Variants in MICU1 observed in about 807,000 individuals in gnomAD.
MICU1 encodes the protein calcium uptake protein 1, mitochondrial.
In MICU1, 45 loss-of-function variants were observed where a neutral mutation model predicts 56.8. The observed-to-expected ratio is 0.79, with a 90% CI of 0.62 to 1.02. The LOEUF (loss-of-function observed/expected upper bound fraction) is 1.02. Among genes scored for constraint, MICU1 ranks in the 50% least tolerant of loss-of-function variants. The pLI is 0.00. For missense variants in MICU1, 504 were observed against 587.1 expected, an observed-to-expected ratio of 0.86 and a Z score of 1.46; for synonymous variants, 186 against 195.1, an observed-to-expected ratio of 0.95 and a Z score of 0.39.
At chr10:72,475,010 G>T in intron 8 of MICU1, 90 bp downstream of exon 8, 3 of 1,094,784 alleles carry the variant, frequency 2.7e-6, no homozygotes, top group Non-Finnish European at 3.9e-6. Flanking sequence ...TCTCACAGCT[G>T]GAGGTAAATG....
At chr10:72,441,551 T>TAA (rs35141740) in intron 8 of MICU1, among the ~76,000 whole-genome samples, 4,598 of 126,946 alleles carry the variant, frequency 0.036, 285 homozygotes, top group African/African-American at 0.13. Flanking sequence ...TTAAATTATT[T>TAA]AAAAAAAAAA....
chr10:72,593,144 A>G (rs1373974181), intron 1 of MICU1, among the ~76,000 whole-genome samples: 1 of 152,144 alleles, frequency 6.6e-6, no homozygotes, highest in Non-Finnish European at 1.5e-5. Context: ...AACTATCTCA[A>G]AATAAGCCAT....
At chr10:72,514,337 A>G (rs183662727) in intron 5 of MICU1, among the ~76,000 whole-genome samples, 2 of 150,506 alleles carry the variant, frequency 1.3e-5, no homozygotes, top group African/African-American at 4.9e-5. Flanking sequence ...GATACTCCCT[A>G]TTTCTTTTTT....
intron 10 of MICU1, among the ~76,000 whole-genome samples, chr10:72,386,284 C>T: frequency 6.6e-6 from 1 of 152,070 alleles, no homozygotes; most frequent in Admixed American, 6.6e-5. Context: ...CGGGTTCAAA[C>T]AATTATCCCA....
chr10:72,423,633 G>A (rs1376522293), intron 8 of MICU1, among the ~76,000 whole-genome samples: 4 of 152,136 alleles, frequency 2.6e-5, no homozygotes, highest in Non-Finnish European at 4.4e-5. Context: ...ATGAGGCTGG[G>A]ACTTGCTGGG....
intron 5 of MICU1, chr10:72,508,557 GTT>G (rs1167823991): frequency 5.0e-6 from 1 of 198,226 alleles, no homozygotes; most frequent in Admixed American, 5.9e-5. Context: ...TTCAGAACAG[GTT>G]TTGTTTCTTA....
At chr10:72,526,301 A>G (rs966026175) in intron 5 of MICU1, among the ~76,000 whole-genome samples, 1 of 152,000 alleles carries the variant, frequency 6.6e-6, no homozygotes, top group Non-Finnish European at 1.5e-5. Flanking sequence ...AATTAATTAC[A>G]TTCTTTTTTT....
At chr10:72,474,820 T>C (rs1384670798) in intron 8 of MICU1, among the ~76,000 whole-genome samples, 1 of 152,258 alleles carries the variant, frequency 6.6e-6, no homozygotes, top group Non-Finnish European at 1.5e-5. Flanking sequence ...TGAGAACTGC[T>C]GTGACCCCTG....
intron 5 of MICU1, among the ~76,000 whole-genome samples, chr10:72,510,588 AT>A (rs1489384709): frequency 6.6e-6 from 1 of 152,184 alleles, no homozygotes; most frequent in Admixed American, 6.5e-5. Context: ...CACAGTGTAT[AT>A]TTAATAAAAC....
chr10:72,506,714 C>T (rs1867264166), intron 6 of MICU1, among the ~76,000 whole-genome samples: 1 of 152,114 alleles, frequency 6.6e-6, no homozygotes, highest in South Asian at 2.1e-4. Flanking sequence ...ATTACTGCCC[C>T]CTTCATTTTA....
intron 6 of MICU1, among the ~76,000 whole-genome samples, chr10:72,486,876 C>G (rs963293982): frequency 6.6e-6 from 1 of 152,090 alleles, no homozygotes; most frequent in Admixed American, 6.5e-5. Context: ...AAAATTTGCA[C>G]CAAAATAAAC....
At chr10:72,585,681 T>C (rs1385528572) in intron 1 of MICU1, among the ~76,000 whole-genome samples, 1 of 152,082 alleles carries the variant, frequency 6.6e-6, no homozygotes, top group Non-Finnish European at 1.5e-5. Context: ...AAAATTCATT[T>C]TAAATGTTTC....
chr10:72,435,863 G>C (rs1016929379), intron 8 of MICU1, among the ~76,000 whole-genome samples: 1 of 152,262 alleles, frequency 6.6e-6, no homozygotes. Context: ...GCTCAGGCTT[G>C]AGTAGGTAAA....
intron 1 of MICU1, among the ~76,000 whole-genome samples, chr10:72,599,718 TC>T (rs1322368496): frequency 6.6e-6 from 1 of 152,188 alleles, no homozygotes; most frequent in African/African-American, 2.4e-5. Flanking sequence ...CCTTCTTTCT[TC>T]CTTCCTTCCT....
At chr10:72,518,005 GT>G in intron 5 of MICU1, among the ~76,000 whole-genome samples, 1 of 103,012 alleles carries the variant, frequency 9.7e-6, no homozygotes, top group South Asian at 2.6e-4. Context: ...TACATTTTTT[GT>G]TATTTTATTG....
At chr10:72,557,603 T>TA (rs1157360003) in intron 3 of MICU1, among the ~76,000 whole-genome samples, 1 of 152,226 alleles carries the variant, frequency 6.6e-6, no homozygotes, top group African/African-American at 2.4e-5. Flanking sequence ...CAAGAGTTTT[T>TA]ACGTCAGACA....
At chr10:72,506,711 C>T (rs7071117) in intron 6 of MICU1, among the ~76,000 whole-genome samples, 1,954 of 152,244 alleles carry the variant, frequency 0.013, 34 homozygotes, top group African/African-American at 0.044. Context: ...GATATTACTG[C>T]CCCCTTCATT....
At chr10:72,524,449 T>C (rs1867910231) in intron 5 of MICU1, among the ~76,000 whole-genome samples, 1 of 152,230 alleles carries the variant, frequency 6.6e-6, no homozygotes. Context: ...GTATCTCTTA[T>C]GCTTAACAAG....
chr10:72,490,476 A>G (rs1222859566), intron 6 of MICU1, among the ~76,000 whole-genome samples: 1 of 152,218 alleles, frequency 6.6e-6, no homozygotes. Flanking sequence ...CAATGGAAGA[A>G]GAGGCTGATA....
Sources: allele counts gnomAD v4.1 joint callset (sites outside exome capture counted in the v4.1 genomes callset), GRCh38; gene constraint gnomAD v4.1.1; transcripts MANE v1.5; gene names NCBI Gene and HGNC (gene_info 2026-07-23, HGNC 2026-07-21).